MIPOL1: variants seen among roughly 807,000 people sequenced by gnomAD.
The protein encoded by MIPOL1 is mirror-image polydactyly gene 1 protein.
A neutral mutation model predicts 60.9 loss-of-function variants in MIPOL1; 57 were observed. The ratio of observed to expected loss-of-function variants is 0.94; its 90% CI spans 0.76 to 1.17. The LOEUF is 1.17. MIPOL1 is among the 50% of genes most tolerant of loss of function. The pLI is 0.00. For synonymous variants in MIPOL1, 179 were observed against 168.8 expected (o/e 1.06, Z -0.47); for missense variants, 551 against 511.6 (o/e 1.08, Z -0.74).
chr14:37,302,261 TG>T (rs1411678412), intron 7 of MIPOL1, among the ~76,000 whole-genome samples: 2,053 of 54,646 alleles, frequency 0.038, 29 homozygotes, highest in African/African-American at 0.082. Flanking sequence ...TTGGAACTGT[TG>T]TTTTTTTTTT....
At chr14:37,336,335 G>A (rs2090115327) in intron 9 of MIPOL1, among the ~76,000 whole-genome samples, 2 of 149,876 alleles carry the variant, frequency 1.3e-5, no homozygotes, top group Admixed American at 1.3e-4. Flanking sequence ...TTTGAAATTT[G>A]GAAGTGTGAA....
intron 11 of MIPOL1, among the ~76,000 whole-genome samples, chr14:37,477,558 C>T (rs1369368899): frequency 1.3e-5 from 2 of 152,080 alleles, no homozygotes; most frequent in Non-Finnish European, 2.9e-5. Flanking sequence ...GAGATCAGTA[C>T]AGATTGTGCA....
At chr14:37,404,737 A>G (rs1196958364) in intron 10 of MIPOL1, among the ~76,000 whole-genome samples, 1 of 152,174 alleles carries the variant, frequency 6.6e-6, no homozygotes, top group Admixed American at 6.5e-5. Context: ...TTTTGTCTTT[A>G]TCACCTGTAT....
intron 10 of MIPOL1, among the ~76,000 whole-genome samples, chr14:37,383,377 T>G (rs1183313672): frequency 6.6e-6 from 1 of 151,880 alleles, no homozygotes; most frequent in Non-Finnish European, 1.5e-5. Context: ...AAGTGACAAT[T>G]TTTTACATTG....
At chr14:37,492,116 A>G (rs2095055939) in intron 11 of MIPOL1, among the ~76,000 whole-genome samples, 1 of 152,208 alleles carries the variant, frequency 6.6e-6, no homozygotes, top group African/African-American at 2.4e-5. Flanking sequence ...TGCTGATATT[A>G]CAAGCATGAG....
intron 11 of MIPOL1, among the ~76,000 whole-genome samples, chr14:37,436,025 A>G (rs2094158452): frequency 1.3e-5 from 2 of 152,264 alleles, no homozygotes; most frequent in South Asian, 4.1e-4. Flanking sequence ...GACTTTATTC[A>G]CCTGTGTTAT....
intron 11 of MIPOL1, among the ~76,000 whole-genome samples, chr14:37,458,503 TCAATAC>T (rs1423469783): frequency 2.0e-5 from 3 of 151,992 alleles, no homozygotes; most frequent in African/African-American, 7.2e-5. Flanking sequence ...AAACTAGAAA[TCAATAC>T]CAAGAGGAAC....
chr14:37,327,460 G>C (rs761062561), intron 9 of MIPOL1, among the ~76,000 whole-genome samples: 4 of 151,930 alleles, frequency 2.6e-5, no homozygotes, highest in Non-Finnish European at 5.9e-5. Flanking sequence ...GCTACTTTTT[G>C]ATTTTTTTGT....
intron 1 of MIPOL1, among the ~76,000 whole-genome samples, chr14:37,241,294 C>T (rs953930283): frequency 6.6e-6 from 1 of 152,084 alleles, no homozygotes; most frequent in Non-Finnish European, 1.5e-5. Context: ...GGCCCACCTA[C>T]ATTAGGGAGG....
chr14:37,539,115 T>A (rs1263818623), intron 12 of MIPOL1, among the ~76,000 whole-genome samples: 1 of 151,802 alleles, frequency 6.6e-6, no homozygotes, highest in African/African-American at 2.4e-5. Flanking sequence ...GGCAGGAGAA[T>A]GGCGTGAACC....
At chr14:37,515,516 A>G (rs928045080) in intron 12 of MIPOL1, among the ~76,000 whole-genome samples, 5 of 152,216 alleles carry the variant, frequency 3.3e-5, no homozygotes, top group African/African-American at 1.2e-4. Context: ...TGCCTCATAC[A>G]ACAGTATACT....
intron 3 of MIPOL1, among the ~76,000 whole-genome samples, chr14:37,250,371 A>G (rs916095769): frequency 6.6e-6 from 1 of 152,068 alleles, no homozygotes; most frequent in Non-Finnish European, 1.5e-5. Flanking sequence ...AACATGGTGA[A>G]ATCCTGTCTC....
intron 12 of MIPOL1, among the ~76,000 whole-genome samples, chr14:37,509,828 G>A (rs532647181): frequency 6.6e-6 from 1 of 151,384 alleles, no homozygotes; most frequent in East Asian, 2.0e-4. Flanking sequence ...ATATGTATGT[G>A]TATATACATA....
rs2095192526 is a variant in MIPOL1 at position 37,500,002 on chromosome 14, A to G, written c.1126A>G (p.Ile376Val). The G allele has an allele frequency of 3.7e-6, 6 of 1,613,574 alleles. No homozygotes were observed. The highest frequency in any genetic ancestry group is 1.7e-4 in the Middle Eastern group (1 of 6,054). The change falls in exon 12 of 13, where the codon ATT (isoleucine) becomes GTT (valine). Residue 376 changes from isoleucine (I) to valine (V), a missense_variant. Physicochemically the swap from Ile to Val is conservative, Grantham distance 29. Coordinates refer to ENST00000684589, the MANE Select transcript of MIPOL1 (RefSeq NM_001388067.1). ...YEEALKNRENIVSITQQQNEE... is the reference protein window; with the variant it reads ...YEEALKNRENVVSITQQQNEE... ...AGAAGCTTTAAAAAACAGAGAGAAC[A>G]TTGTTTCCATCACTCAACAACAAAA...
chr14:37,328,262 G>A (rs2089361689), intron 9 of MIPOL1, among the ~76,000 whole-genome samples: 4 of 152,030 alleles, frequency 2.6e-5, no homozygotes, highest in Non-Finnish European at 5.9e-5. Flanking sequence ...CAATCCATCC[G>A]CCTCAGCCTC....
intron 11 of MIPOL1, among the ~76,000 whole-genome samples, chr14:37,430,708 T>C (rs2094048437): frequency 6.6e-6 from 1 of 152,116 alleles, no homozygotes; most frequent in Non-Finnish European, 1.5e-5. Context: ...CTGAATGTTT[T>C]TGAAAACTGT....
intron 6 of MIPOL1, among the ~76,000 whole-genome samples, chr14:37,273,219 TATAC>T (rs1419582442): frequency 6.6e-6 from 1 of 151,020 alleles, no homozygotes; most frequent in African/African-American, 2.4e-5. Context: ...AAAATAAAAA[TATAC>T]ATACATGTAT....
In MIPOL1 at chr14:37,219,328, C is replaced by T. The variant is rs116591752; in HGVS notation, c.-199+21224C>T. Among the ~76,000 whole-genome samples, 880 of 152,240 alleles carry T rather than the reference C, an allele frequency of 5.8e-3. 9 individuals are homozygous for T. The highest frequency in any genetic ancestry group is 0.021 in the African/African-American group (857 of 41,542). On this transcript the variant is annotated intron_variant, in intron 1 of 12. Coordinates refer to ENST00000684589, the MANE Select transcript of MIPOL1 (RefSeq NM_001388067.1). Reference sequence around the variant, plus strand: ...AGTATAGTAAAGGGTTCAAAGGAGCCTCATTAAAGTTTGGTCAAGGCAAGA... The same window carrying T: ...AGTATAGTAAAGGGTTCAAAGGAGCTTCATTAAAGTTTGGTCAAGGCAAGA...
intron 11 of MIPOL1, among the ~76,000 whole-genome samples, chr14:37,444,499 T>G (rs1464180863): frequency 1.3e-5 from 2 of 152,198 alleles, no homozygotes; most frequent in African/African-American, 4.8e-5. Context: ...ATTACATTTG[T>G]CTTTACTGTA....
Sources: gnomAD v4.1 joint callset for allele counts (sites outside exome capture counted in the v4.1 genomes callset) on GRCh38, gnomAD v4.1.1 for gene constraint, MANE v1.5 for transcripts, NCBI Gene and HGNC (gene_info 2026-07-23, HGNC 2026-07-21) for gene names.